The following OSBPL9 variants were observed in gnomAD, a reference collection of about 807,000 sequenced individuals.
OSBPL9 encodes oxysterol-binding protein-related protein 9.
A neutral mutation model predicts 106.6 loss-of-function variants in OSBPL9; 40 were observed. That is an observed-to-expected ratio of 0.38 (90% CI 0.29 to 0.49). The LOEUF is 0.49. OSBPL9 is among the 20% of genes least tolerant of loss of function. The pLI is 0.97. For missense variants in OSBPL9, 609 were observed against 887.2 expected (o/e 0.69, Z 3.98); for synonymous variants, 269 against 295.4 (o/e 0.91, Z 0.92).
chr1:51,781,412 T>C (rs1676357492), intron 16 of OSBPL9, 77 bp downstream of exon 16: 4 of 1,384,094 alleles, frequency 2.9e-6, no homozygotes, highest in Admixed American at 1.9e-5. Flanking sequence ...CAAATAATAA[T>C]GATGAAAGCA....
intron 1 of OSBPL9, among the ~76,000 whole-genome samples, chr1:51,625,162 T>C (rs568027966): frequency 6.9e-4 from 105 of 152,358 alleles, no homozygotes; most frequent in African/African-American, 2.4e-3. Context: ...CTTTGCTTCC[T>C]GTGTTGTAGC....
At chr1:51,637,181 G>A (rs1645502165) in intron 1 of OSBPL9, among the ~76,000 whole-genome samples, 1 of 152,102 alleles carries the variant, frequency 6.6e-6, no homozygotes, top group Admixed American at 6.6e-5. Context: ...TTCTGTCACT[G>A]ATTCCTCAGT....
At chr1:51,693,441 A>C (rs1655403005) in intron 3 of OSBPL9, among the ~76,000 whole-genome samples, 1 of 152,146 alleles carries the variant, frequency 6.6e-6, no homozygotes. Flanking sequence ...ATTTTATCCC[A>C]AACCTCAGGG....
intron 15 of OSBPL9, among the ~76,000 whole-genome samples, chr1:51,779,431 C>T (rs1675806817): frequency 6.6e-6 from 1 of 152,102 alleles, no homozygotes; most frequent in Non-Finnish European, 1.5e-5. Context: ...AATCTAAGAC[C>T]TAAAATCATA....
chr1:51,752,229 C>T (rs745403525), intron 8 of OSBPL9, among the ~76,000 whole-genome samples: 1 of 151,608 alleles, frequency 6.6e-6, no homozygotes, highest in Non-Finnish European at 1.5e-5. Context: ...GCAAGACAAG[C>T]TTCCCCCCTC....
chr1:51,732,049 TTATTA>T (rs1664583818), intron 4 of OSBPL9, among the ~76,000 whole-genome samples: 1 of 152,232 alleles, frequency 6.6e-6, no homozygotes, highest in Admixed American at 6.5e-5. Context: ...TGTGAAAAGA[TTATTA>T]TATTTTGTAC....
At chr1:51,713,610 A>T (rs918817718) in intron 3 of OSBPL9, among the ~76,000 whole-genome samples, 1 of 152,184 alleles carries the variant, frequency 6.6e-6, no homozygotes, top group Non-Finnish European at 1.5e-5. Flanking sequence ...CCTCCATGAG[A>T]AGTGTCCCTA....
At chr1:51,736,613 A>C (rs1665764758) in intron 4 of OSBPL9, among the ~76,000 whole-genome samples, 1 of 152,182 alleles carries the variant, frequency 6.6e-6, no homozygotes, top group Non-Finnish European at 1.5e-5. Context: ...ACCTGAACTA[A>C]CTACTAAAGT....
chr1:51,566,916 T>C, the OSBPL9 span, among the ~76,000 whole-genome samples: 1 of 152,226 alleles, frequency 6.6e-6, no homozygotes, highest in Non-Finnish European at 1.5e-5. Context: ...TCCTGCATGG[T>C]ACAGCCTTTA....
intron 13 of OSBPL9, 125 bp from the exon 14 acceptor site, chr1:51,772,480 C>G (rs1674146806): frequency 3.7e-6 from 3 of 818,784 alleles, no homozygotes; most frequent in Non-Finnish European, 6.2e-6. Flanking sequence ...CGTGCCATTG[C>G]ACTCCAGCCT....
rs34379031 is a variant in OSBPL9, at chr1:51,592,108, CTTTTTTT to C, written c.-422-5998_-422-5992del. ...CCTCAACGATTACTTGTTGCTAAGG[CTTTTTTT>C]TTTTTTTTTTTTTTTTTGAGACGGA... On this transcript the variant is annotated intron_variant, in intron 1 of 25. Coordinates refer to the OSBPL9 transcript ENST00000371714. Among the ~76,000 whole-genome samples, 101 of 77,000 alleles carry C rather than the reference CTTTTTTT, an allele frequency of 1.3e-3. 1 individual carries two copies. The highest frequency in any genetic ancestry group is 2.0e-3 in the Admixed American group (11 of 5,422). The allele number at this position is 77,000 out of a possible 152,430, so 50.5% of individuals were successfully genotyped here.
rs551398134 is a variant in OSBPL9 at position 51,660,039 on chromosome 1, T to G, written c.162+7998T>G. Among the ~76,000 whole-genome samples, 109 of 152,216 alleles carry G rather than the reference T, an allele frequency of 7.2e-4. 1 individual carries two copies. Among genetic ancestry groups the G allele is most frequent in the African/African-American group, 2.6e-3 (106 of 41,538 alleles). On this transcript the variant is annotated intron_variant, in intron 2 of 23. Transcript: ENST00000428468. ...AAACAGAACCATTTGGATTTGGGTC[T>G]TGGAGAAAGCTGGAAATTTGGTATA...
At chr1:51,520,014 T>C in the OSBPL9 span, among the ~76,000 whole-genome samples, 1 of 152,236 alleles carries the variant, frequency 6.6e-6, no homozygotes, top group Non-Finnish European at 1.5e-5. Flanking sequence ...AAACTCCTCC[T>C]TCTTTCTCAG....
the OSBPL9 span, among the ~76,000 whole-genome samples, chr1:51,532,110 G>C: frequency 6.6e-6 from 1 of 152,176 alleles, no homozygotes; most frequent in Non-Finnish European, 1.5e-5. Flanking sequence ...CGTTTCAGGG[G>C]AAGGTGAAAG....
chr1:51,697,001 G>A (rs75378033), intron 3 of OSBPL9, among the ~76,000 whole-genome samples: 1,803 of 151,600 alleles, frequency 0.012, 38 homozygotes, highest in African/African-American at 0.042. Context: ...ATCTCTAAAA[G>A]AATAAAAAAT....
chr1:51,572,225 G>A (rs777817435), upstream of OSBPL9, among the ~76,000 whole-genome samples: 176 of 152,140 alleles, frequency 1.2e-3, 2 homozygotes, highest in Non-Finnish European at 2.1e-3. Context: ...ATCACTTCAG[G>A]GAAAGATCAA....
chr1:51,528,442 G>T, the OSBPL9 span, among the ~76,000 whole-genome samples: 1 of 152,022 alleles, frequency 6.6e-6, no homozygotes, highest in East Asian at 1.9e-4. Context: ...GACCTGGGAG[G>T]CTGAGGCAGG....
At chr1:51,608,411 G>A (rs1014944644) in intron 2 of OSBPL9, among the ~76,000 whole-genome samples, 3 of 151,974 alleles carry the variant, frequency 2.0e-5, no homozygotes, top group Non-Finnish European at 4.4e-5. Context: ...TCTTGCCTCA[G>A]CCTCCCCAGT....
At chr1:51,663,272 T>A (rs913879126) in intron 2 of OSBPL9, among the ~76,000 whole-genome samples, 1 of 149,714 alleles carries the variant, frequency 6.7e-6, no homozygotes, top group Non-Finnish European at 1.5e-5. Context: ...TTATTTCTAG[T>A]CATTTGAGTC....
Sources: gnomAD v4.1 joint callset for allele counts (sites outside exome capture counted in the v4.1 genomes callset) on GRCh38, gnomAD v4.1.1 for gene constraint, MANE v1.5 for transcripts, NCBI Gene and HGNC (gene_info 2026-07-23, HGNC 2026-07-21) for gene names.